The following ODAD2 variants were observed in gnomAD, a reference collection of about 807,000 sequenced individuals.
The protein encoded by ODAD2 is outer dynein arm-docking complex subunit 2.
In ODAD2, 89 loss-of-function variants were observed where a neutral mutation model predicts 106.8. The ratio of observed to expected loss-of-function variants is 0.83; its 90% confidence interval spans 0.70 to 0.99. ODAD2 has a LOEUF of 0.99. ODAD2 is among the 50% of genes least tolerant of loss of function. ODAD2 has a pLI of 0.00. For synonymous variants in ODAD2, 404 were observed against 436.2 expected, an observed-to-expected ratio of 0.93 and a Z score of 0.92; for missense variants, 1,168 against 1,238.5, an observed-to-expected ratio of 0.94 and a Z score of 0.85.
chr10:27,848,960 T>C (rs1431568243), intron 19 of ODAD2, among the ~76,000 whole-genome samples: 1 of 152,198 alleles, frequency 6.6e-6, no homozygotes, highest in Non-Finnish European at 1.5e-5. Context: ...AGTGGGACTG[T>C]AAACTAGTTC....
chr10:27,988,818 A>G (rs992517600), intron 2 of ODAD2, among the ~76,000 whole-genome samples: 4 of 152,228 alleles, frequency 2.6e-5, no homozygotes, highest in African/African-American at 9.6e-5. Flanking sequence ...CCCAAAACCT[A>G]TGAACATGTC....
At chr10:27,986,252 G>A (rs186016746) in intron 3 of ODAD2, among the ~76,000 whole-genome samples, 2 of 152,240 alleles carry the variant, frequency 1.3e-5, no homozygotes, top group Admixed American at 1.3e-4. Flanking sequence ...AAAAGAGCAG[G>A]CAGATTCTGA....
Position 27,871,665 on chromosome 10 carries a change from T to C in ODAD2, c.2611-9043A>G, listed in dbSNP as rs1256175427. Reference sequence around the variant, plus strand: ...AGGTTTGTCAAAGATCAGATGGTTGTAGATGTGTGGTATTATTTCTGAGGG... The same window carrying C: ...AGGTTTGTCAAAGATCAGATGGTTGCAGATGTGTGGTATTATTTCTGAGGG... On this transcript the variant is annotated intron_variant, in intron 17 of 19. Coordinates refer to ENST00000305242, the MANE Select transcript of ODAD2 (RefSeq NM_018076.5). Among the ~76,000 whole-genome samples, 3 of 152,208 alleles carry C rather than the reference T, an allele frequency of 2.0e-5. No individual in the cohort carries two copies. The East Asian group carries it at 5.8e-4, about 29-fold the overall frequency.
intron 19 of ODAD2, among the ~76,000 whole-genome samples, chr10:27,824,544 T>C (rs1315431338): frequency 6.6e-6 from 1 of 152,210 alleles, no homozygotes; most frequent in Non-Finnish European, 1.5e-5. Flanking sequence ...AATAATTTTT[T>C]TTCCTCATAA....
chr10:27,864,383 A>C (rs1840280533), intron 17 of ODAD2, among the ~76,000 whole-genome samples: 2 of 146,846 alleles, frequency 1.4e-5, no homozygotes, highest in African/African-American at 5.1e-5. Flanking sequence ...TCTAGGATGC[A>C]GATGAATGTA....
At chr10:27,902,968 T>C (rs1181816358) in intron 17 of ODAD2, among the ~76,000 whole-genome samples, 1 of 151,926 alleles carries the variant, frequency 6.6e-6, no homozygotes, top group Non-Finnish European at 1.5e-5. Context: ...ATCATCCCCA[T>C]ACCAAAACCT....
At chr10:27,842,143 T>C (rs1428027411) in intron 19 of ODAD2, among the ~76,000 whole-genome samples, 3 of 152,206 alleles carry the variant, frequency 2.0e-5, no homozygotes, top group Non-Finnish European at 4.4e-5. Context: ...TAGTCTTCAT[T>C]TGACCCCCTT....
chr10:27,999,259 T>C (rs151082311), upstream of ODAD2, among the ~76,000 whole-genome samples: 78 of 152,020 alleles, frequency 5.1e-4, no homozygotes, highest in African/African-American at 1.8e-3. Context: ...AGTTGCGGGG[T>C]CGGCGGCAAG....
chr10:27,898,132 GATA>G (rs1175603582), intron 17 of ODAD2, among the ~76,000 whole-genome samples: 2 of 152,086 alleles, frequency 1.3e-5, no homozygotes, highest in African/African-American at 4.8e-5. Context: ...ACTCACCAAT[GATA>G]ATATTAAATT....
At chr10:27,882,300 A>AT (rs934368079) in intron 17 of ODAD2, among the ~76,000 whole-genome samples, 2 of 151,766 alleles carry the variant, frequency 1.3e-5, no homozygotes, top group Non-Finnish European at 1.5e-5. Context: ...CTGGAATAAA[A>AT]TTTTTTTTTA....
intron 19 of ODAD2, among the ~76,000 whole-genome samples, chr10:27,838,222 TA>T (rs1395602319): frequency 6.6e-6 from 1 of 152,234 alleles, no homozygotes; most frequent in Non-Finnish European, 1.5e-5. Context: ...TGCCAAAAAC[TA>T]CTTACTCATG....
intron 10 of ODAD2, among the ~76,000 whole-genome samples, chr10:27,960,166 G>C (rs1848024486): frequency 6.6e-6 from 1 of 151,736 alleles, no homozygotes; most frequent in Non-Finnish European, 1.5e-5. Context: ...AAACAGTCCA[G>C]ACTAAAAACA....
chr10:27,874,961 G>T (rs1418941768), intron 17 of ODAD2, among the ~76,000 whole-genome samples: 1 of 152,154 alleles, frequency 6.6e-6, no homozygotes, highest in East Asian at 1.9e-4. Flanking sequence ...TTCCAACTTG[G>T]TTCCATTCTC....
chr10:27,985,270 C>T lies in ODAD2; in HGVS notation c.383-59G>A, dbSNP rs1456019338. 3,923 of 1,323,008 alleles carry T rather than the reference C, an allele frequency of 3.0e-3. 18 individuals are homozygous for T. Among genetic ancestry groups the T allele is most frequent in the Middle Eastern group, 3.8e-3 (14 of 3,666 alleles). 82.0% of individuals were successfully genotyped at this position (1,323,008 alleles called of 1,614,324 possible). A position where few individuals can be genotyped will look rare whatever the true frequency, so the allele number is the denominator to read the frequency against. ...ATTATCCACTTGTCTTCTAGTACAA[C>T]AAACATTAAGACTAATAAATCCTTC... On this transcript the variant is annotated intron_variant, in intron 3 of 19. Transcript: ENST00000305242.
intron 17 of ODAD2, among the ~76,000 whole-genome samples, chr10:27,875,832 G>A (rs778670888): frequency 2.6e-5 from 4 of 152,212 alleles, no homozygotes; most frequent in South Asian, 2.1e-4. Flanking sequence ...CTGGAAAATC[G>A]GGTCACTCCC....
chr10:27,998,056 T>C (rs1392431811), intron 1 of ODAD2, among the ~76,000 whole-genome samples: 2 of 152,350 alleles, frequency 1.3e-5, no homozygotes. Context: ...GCTTCCAGCA[T>C]CATTAGTGAA....
intron 17 of ODAD2, among the ~76,000 whole-genome samples, chr10:27,868,075 A>G (rs1840582860): frequency 6.6e-6 from 1 of 152,212 alleles, no homozygotes. Context: ...ACAAACATGA[A>G]AAAAAGCTAA....
At chr10:27,971,683 T>TTAAA (rs1331463986) in intron 7 of ODAD2, among the ~76,000 whole-genome samples, 2 of 152,078 alleles carry the variant, frequency 1.3e-5, no homozygotes, top group East Asian at 3.9e-4. Context: ...GTATGACATA[T>TTAAA]TACAGAGGAA....
At chr10:27,931,193 T>A (rs1845594649) in intron 16 of ODAD2, among the ~76,000 whole-genome samples, 1 of 152,128 alleles carries the variant, frequency 6.6e-6, no homozygotes, top group African/African-American at 2.4e-5. Flanking sequence ...TGGGGGGAAA[T>A]CTTGAGATCT....
Sources: gnomAD v4.1 joint callset for allele counts (sites outside exome capture counted in the v4.1 genomes callset) on GRCh38, gnomAD v4.1.1 for gene constraint, MANE v1.5 for transcripts, NCBI Gene and HGNC (gene_info 2026-07-23, HGNC 2026-07-21) for gene names.